The following PXDNL variants were observed in gnomAD, a reference collection of about 807,000 sequenced individuals.
The protein encoded by PXDNL is probable oxidoreductase PXDNL.
Under a neutral mutation model 150.8 loss-of-function variants are expected in PXDNL, and 145 were observed. The observed-to-expected ratio is 0.96, with a 90% CI of 0.84 to 1.10. The LOEUF (loss-of-function observed/expected upper bound fraction) is 1.10. Ranked by LOEUF, PXDNL falls within the 50% of genes least tolerant of loss-of-function variation. The probability of loss-of-function intolerance (pLI) is 0.00; values close to 1 mark genes in which losing one functional copy is unlikely to be tolerated. For synonymous variants in PXDNL, 757 were observed against 725.7 expected (o/e 1.04, Z -0.69); for missense variants, 2,087 against 1,873.9 (o/e 1.11, Z -2.10).
At chr8:51,754,576 T>C (rs2037080103) in intron 1 of PXDNL, among the ~76,000 whole-genome samples, 1 of 152,074 alleles carries the variant, frequency 6.6e-6, no homozygotes, top group Non-Finnish European at 1.5e-5. Context: ...CGATCTCAGC[T>C]CACTGCAAGC....
At chr8:51,781,941 T>A (rs1235262944) in intron 1 of PXDNL, among the ~76,000 whole-genome samples, 4 of 152,210 alleles carry the variant, frequency 2.6e-5, no homozygotes, top group Non-Finnish European at 5.9e-5. Context: ...ATCCTCCTCA[T>A]GGTGACTTCC....
chr8:51,539,324 C>T (rs1812161144), intron 4 of PXDNL, among the ~76,000 whole-genome samples: 1 of 151,958 alleles, frequency 6.6e-6, no homozygotes, highest in Admixed American at 6.5e-5. Flanking sequence ...CTTACTTATG[C>T]ATGATATATT....
intron 2 of PXDNL, among the ~76,000 whole-genome samples, chr8:51,644,614 C>T (rs890742509): frequency 4.0e-3 from 75 of 18,860 alleles, no homozygotes; most frequent in African/African-American, 0.012. Flanking sequence ...CTCCTGCCAC[C>T]GCGCCCAGCT....
At position 51,365,916 on chromosome 8, in the gene PXDNL, C is replaced by G. The variant is rs533124782; in HGVS notation, c.3901+5957G>C. Among the ~76,000 whole-genome samples the G allele has an allele frequency of 1.3e-3, 201 of 152,292 alleles. 2 individuals carry two copies. The highest frequency in any genetic ancestry group is 4.5e-3 in the African/African-American group (189 of 41,560). On this transcript the variant is annotated intron_variant, in intron 19 of 22. Coordinates refer to ENST00000356297, the MANE Select transcript of PXDNL (RefSeq NM_144651.5). ...AAAATGGAGGCACTTATGCTAAAAG[C>G]AGCATAACCAAACTGAAACTTTAAG...
intron 4 of PXDNL, among the ~76,000 whole-genome samples, chr8:51,544,805 C>T (rs1812319162): frequency 6.6e-6 from 1 of 152,100 alleles, no homozygotes; most frequent in Non-Finnish European, 1.5e-5. Flanking sequence ...GTGCTACTGT[C>T]AAGACCTCTG....
intron 2 of PXDNL, among the ~76,000 whole-genome samples, chr8:51,605,103 A>G (rs1214169839): frequency 6.6e-6 from 1 of 152,106 alleles, no homozygotes; most frequent in African/African-American, 2.4e-5. Flanking sequence ...GTAATTTTGT[A>G]TTTTCTTATA....
At chr8:51,380,156 T>C (rs926564520) in intron 17 of PXDNL, among the ~76,000 whole-genome samples, 2 of 151,668 alleles carry the variant, frequency 1.3e-5, no homozygotes, top group Non-Finnish European at 2.9e-5. Flanking sequence ...AAAAAACTCA[T>C]AATATTTTAA....
chr8:51,636,195 G>A (rs2130765544), intron 2 of PXDNL, among the ~76,000 whole-genome samples: 1 of 152,010 alleles, frequency 6.6e-6, no homozygotes, highest in South Asian at 2.1e-4. Flanking sequence ...AGTAATAGCA[G>A]GAAATTTCTG....
intron 21 of PXDNL, among the ~76,000 whole-genome samples, chr8:51,334,089 A>G (rs1805770933): frequency 1.0e-5 from 1 of 99,028 alleles, no homozygotes. Flanking sequence ...GCCTCAATGA[A>G]TTTAAGAAAA....
At chr8:51,798,230 C>T (rs1429203801) in intron 1 of PXDNL, among the ~76,000 whole-genome samples, 1 of 151,980 alleles carries the variant, frequency 6.6e-6, no homozygotes, top group Non-Finnish European at 1.5e-5. Context: ...CCATAAAAAC[C>T]CTAGAAGGAA....
chr8:51,383,253 T>C (rs1807601863), intron 17 of PXDNL, among the ~76,000 whole-genome samples: 1 of 152,202 alleles, frequency 6.6e-6, no homozygotes, highest in Admixed American at 6.5e-5. Flanking sequence ...AATTGGTCAT[T>C]AGTAAGATTA....
intron 2 of PXDNL, among the ~76,000 whole-genome samples, chr8:51,648,270 G>A (rs1453751501): frequency 6.6e-6 from 1 of 152,194 alleles, no homozygotes; most frequent in East Asian, 1.9e-4. Flanking sequence ...ATCTGATAAG[G>A]AAAAGGGATC....
chr8:51,339,433 C>T (rs1035580595), intron 21 of PXDNL, among the ~76,000 whole-genome samples, 191 bp downstream of exon 21: 7 of 152,024 alleles, frequency 4.6e-5, no homozygotes, highest in Admixed American at 2.6e-4. Flanking sequence ...ACATTCCATC[C>T]GGCCGACAGA....
rs1267790418 is a variant in PXDNL, at chr8:51,487,985, G to C, written c.453-4271C>G. ...CTGCAGATAAAGTCATGGTAAATTT[G>C]CTTGAATTTAGAAATGCCTTAATAG... On this transcript the variant is annotated intron_variant, in intron 5 of 22. Transcript: ENST00000356297. Among the ~76,000 whole-genome samples the C allele has an allele frequency of 2.0e-5, 3 of 152,252 alleles. No individual in the cohort carries two copies. In the South Asian group the frequency reaches 6.2e-4, roughly 32 times the overall value.
At position 51,396,261 on chromosome 8, in the gene PXDNL, A is replaced by G. The variant is rs1264410335; in HGVS notation, c.3557+11806T>C. On this transcript the variant is annotated intron_variant, in intron 17 of 22. Transcript: ENST00000356297. ...GAGTTTTTTCTCTTTCCACACGCCA[A>G]CGCCAGATACCTGGTTGCAGGCCTC... Among the ~76,000 whole-genome samples the G allele has an allele frequency of 3.3e-5, 5 of 152,152 alleles. No homozygotes were observed. In the South Asian group the frequency reaches 6.2e-4, roughly 19 times the overall value.
chr8:51,338,271 T>A (rs1805889835), intron 21 of PXDNL, among the ~76,000 whole-genome samples: 1 of 151,736 alleles, frequency 6.6e-6, no homozygotes, highest in Non-Finnish European at 1.5e-5. Context: ...AAGGCACTGA[T>A]ACAGACCACA....
At chr8:51,592,491 T>G (rs566419855) in intron 3 of PXDNL, 136 bp downstream of exon 3, 6 of 595,816 alleles carry the variant, frequency 1.0e-5, no homozygotes, top group African/African-American at 7.6e-5. Flanking sequence ...CATGTTCATA[T>G]GTGAGTTTTA....
At chr8:51,531,205 C>T (rs1248732698) in intron 4 of PXDNL, among the ~76,000 whole-genome samples, 1 of 152,198 alleles carries the variant, frequency 6.6e-6, no homozygotes, top group African/African-American at 2.4e-5. Flanking sequence ...CTAGAGCTAC[C>T]AAATTGCTTA....
intron 1 of PXDNL, among the ~76,000 whole-genome samples, chr8:51,678,296 G>A (rs369702126): frequency 6.6e-6 from 1 of 152,090 alleles, no homozygotes; most frequent in East Asian, 1.9e-4. Flanking sequence ...TCACTGAAAC[G>A]CTTAAAGCAT....
Sources: gnomAD v4.1 joint callset for allele counts (sites outside exome capture counted in the v4.1 genomes callset) on GRCh38, gnomAD v4.1.1 for gene constraint, MANE v1.5 for transcripts, NCBI Gene and HGNC (gene_info 2026-07-23, HGNC 2026-07-21) for gene names.